PGS1: variants seen among roughly 807,000 people sequenced by gnomAD.
The protein encoded by PGS1 is phosphatidylglycerophosphate synthase 1, also known as CDP-diacylglycerol--glycerol-3-phosphate 3-phosphatidyltransferase, mitochondrial.
PGS1 carries 44 observed loss-of-function variants against 58.3 expected under a neutral mutation model. The ratio of observed to expected loss-of-function variants is 0.75; its 90% confidence interval spans 0.59 to 0.97. The LOEUF (loss-of-function observed/expected upper bound fraction) is 0.97, where lower values mean the gene tolerates loss of function less well. Among genes scored for constraint, PGS1 ranks in the 50% least tolerant of loss-of-function variants. The pLI is 0.00. For missense variants in PGS1, 684 were observed against 731.1 expected, an observed-to-expected ratio of 0.94 and a Z score of 0.74; for synonymous variants, 330 against 311.0, an observed-to-expected ratio of 1.06 and a Z score of -0.64.
chr17:78,402,419 TATATATATACAC>T (rs1251020298), intron 6 of PGS1, among the ~76,000 whole-genome samples: 22 of 6,922 alleles, frequency 3.2e-3, no homozygotes, highest in African/African-American at 5.1e-3. Context: ...TATATATATA[TATATATATACAC>T]ACACACACAC....
intron 7 of PGS1, among the ~76,000 whole-genome samples, chr17:78,410,536 T>C (rs1301685947): frequency 7.7e-6 from 1 of 130,672 alleles, no homozygotes; most frequent in African/African-American, 2.8e-5. Flanking sequence ...TGCAGTGGCG[T>C]GGTCTTGGCT....
chr17:78,414,744 C>T (rs1008962099), intron 7 of PGS1, 135 bp from the exon 8 acceptor site: 53 of 972,106 alleles, frequency 5.5e-5, no homozygotes, highest in Admixed American at 1.1e-4. Flanking sequence ...GTGGCCTGTC[C>T]GCCGCTCTGC....
At chr17:78,396,209 A>T (rs569056858) in intron 2 of PGS1, 99 bp from the exon 3 acceptor site, 33 of 837,588 alleles carry the variant, frequency 3.9e-5, no homozygotes, top group Non-Finnish European at 6.2e-5. Context: ...AGGATAGTTC[A>T]GCTTGGAGTG....
intron 9 of PGS1, among the ~76,000 whole-genome samples, chr17:78,423,117 AAAT>A (rs2086064411): frequency 2.0e-5 from 3 of 147,868 alleles, no homozygotes; most frequent in South Asian, 2.2e-4. Context: ...AAAAAAAAAA[AAAT>A]GTTGATCCTG....
In PGS1 at chr17:78,378,806, G is replaced by C; in HGVS notation, c.141G>C (p.Arg47Ser). 6.9e-7 allele frequency: 1 copy of C among 1,452,036 alleles called. No individual in the cohort carries two copies. Among genetic ancestry groups the C allele is most frequent in the Admixed American group, 2.7e-5 (1 of 37,312 alleles). The allele number at this position is 1,452,036 out of a possible 1,614,324, so 89.9% of individuals were successfully genotyped here. A position where few individuals can be genotyped will look rare whatever the true frequency, so the allele number is the denominator to read the frequency against. Reference protein sequence around the residue: ...RLGRNRDRQRRRSPWLLLAPL... With the variant: ...RLGRNRDRQRSRSPWLLLAPL... ...GCAGGAACCGGGACCGCCAGCGCAG[G>C]AGGTGAGAGGGGCGGCCGGGATGAG... The change falls in exon 1 of 10, where the codon AGG becomes AGC. Residue 47 changes from arginine (R) to serine (S), a missense_variant and splice_region_variant. Physicochemically the swap from Arg to Ser is moderately radical, Grantham distance 110. Coordinates refer to ENST00000262764, the MANE Select transcript of PGS1 (RefSeq NM_024419.5).
chr17:78,406,109 G>T (rs1361344053), intron 7 of PGS1, among the ~76,000 whole-genome samples: 5 of 152,188 alleles, frequency 3.3e-5, no homozygotes, highest in Non-Finnish European at 1.5e-5. Flanking sequence ...GAGGTCAGGA[G>T]ATCCAGACCA....
In PGS1 at chr17:78,392,520, C is replaced by T; in HGVS notation, c.188C>T (p.Pro63Leu). ...GCTCCCTTGCTGTCCCCAGCTGTTCCCCAGGTCACCTCCCCACCTTGCTGC... is the reference window on the plus strand; with the variant it reads ...GCTCCCTTGCTGTCCCCAGCTGTTCTCCAGGTCACCTCCCCACCTTGCTGC... ...LLAPLLSPAV[P>L]QVTSPPCCLC... The change falls in exon 2 of 10, where the codon CCC (proline) becomes CTC (leucine). Residue 63 changes from proline to leucine, a missense_variant. Coordinates refer to ENST00000262764, the MANE Select transcript of PGS1 (RefSeq NM_024419.5). 1.2e-6 allele frequency: 2 copies of T among 1,614,014 alleles called. No individual in the cohort carries two copies. Among genetic ancestry groups the T allele is most frequent in the African/African-American group, 1.3e-5 (1 of 75,032 alleles).
chr17:78,393,272 G>C (rs1395344692), intron 2 of PGS1, among the ~76,000 whole-genome samples: 1 of 151,254 alleles, frequency 6.6e-6, no homozygotes, highest in Non-Finnish European at 1.5e-5. Context: ...GTGTTAGCCA[G>C]GATGGTCTCG....
chr17:78,416,849 G>T (rs1331099226), intron 8 of PGS1, among the ~76,000 whole-genome samples: 1 of 152,124 alleles, frequency 6.6e-6, no homozygotes, highest in Non-Finnish European at 1.5e-5. Context: ...CCGGTCCCTA[G>T]AGGCCAAATC....
intron 7 of PGS1, among the ~76,000 whole-genome samples, chr17:78,407,405 G>A (rs1052794544): frequency 3.3e-5 from 5 of 152,206 alleles, no homozygotes; most frequent in South Asian, 2.1e-4. Flanking sequence ...CCAGGGCAGC[G>A]TGTGTCAGGT....
chr17:78,400,763 C>T lies in PGS1; in HGVS notation c.788C>T (p.Thr263Met), dbSNP rs79039614. The change falls in exon 6 of 10, where the codon ACG becomes ATG. Residue 263 changes from threonine to methionine, a missense_variant. By Grantham distance (81) the Thr-to-Met change is moderately conservative (BLOSUM62 -1). Transcript: ENST00000262764. The surrounding 1 kb of genome is among the most constrained non-coding windows in gnomAD (Gnocchi z 4.4). ...TGTGCGGAGATTGCCGACTTCTTCA[C>T]GGAGCTGGTGGACGCGGTGGGGGAT... ...QDCAEIADFF[T>M]ELVDAVGDVS... 1.5e-4 allele frequency: 240 copies of T among 1,613,932 alleles called. No homozygotes were observed. The highest frequency in any genetic ancestry group is 1.7e-4 in the Non-Finnish European group (204 of 1,179,946).
intron 1 of PGS1, among the ~76,000 whole-genome samples, chr17:78,383,874 A>G (rs1480681699): frequency 6.6e-6 from 1 of 152,232 alleles, no homozygotes; most frequent in Admixed American, 6.5e-5. Context: ...ATTAGACTCA[A>G]TCAGTTGTCT....
intron 9 of PGS1, chr17:78,421,442 C>G (rs1316722963): frequency 6.6e-6 from 1 of 152,280 alleles, no homozygotes; most frequent in African/African-American, 2.4e-5. Flanking sequence ...CATAGGCTCA[C>G]CTGGTCTTAG....
chr17:78,423,807 C>T, intron 9 of PGS1: 1 of 1,465,710 alleles, frequency 6.8e-7, no homozygotes, highest in East Asian at 2.3e-5. Flanking sequence ...GAACGAAAAA[C>T]CACCACCAGT....
intron 1 of PGS1, among the ~76,000 whole-genome samples, chr17:78,385,323 CT>C (rs1284155055): frequency 6.7e-6 from 1 of 148,716 alleles, no homozygotes; most frequent in Non-Finnish European, 1.5e-5. Flanking sequence ...GAGTCTCGTA[CT>C]TTCGCCCAGG....
At chr17:78,409,409 G>A (rs551178154) in intron 7 of PGS1, among the ~76,000 whole-genome samples, 4 of 152,382 alleles carry the variant, frequency 2.6e-5, no homozygotes, top group Admixed American at 2.6e-4. Context: ...TTGTGAGAAT[G>A]TCACTATTTT....
intron 9 of PGS1, chr17:78,423,821 T>C (rs1192269515): frequency 7.9e-6 from 12 of 1,521,762 alleles, no homozygotes; most frequent in Middle Eastern, 1.8e-4. Context: ...CACCAGTTCC[T>C]GTAAAGAATA....
intron 7 of PGS1, among the ~76,000 whole-genome samples, chr17:78,407,346 G>C (rs985336162): frequency 5.9e-5 from 9 of 152,316 alleles, no homozygotes; most frequent in African/African-American, 2.2e-4. Context: ...TCCCCAGTGG[G>C]ATCTTAAGTC....
chr17:78,417,251 T>C (rs2085273424), intron 8 of PGS1, among the ~76,000 whole-genome samples: 1 of 152,174 alleles, frequency 6.6e-6, no homozygotes. Flanking sequence ...GGCCGGGTAT[T>C]CATTTGAAGA....
Sources: allele counts gnomAD v4.1 joint callset (sites outside exome capture counted in the v4.1 genomes callset), GRCh38; gene constraint gnomAD v4.1.1; non-coding constraint Gnocchi (gnomAD v3.1); transcripts MANE v1.5; gene names NCBI Gene and HGNC (gene_info 2026-07-23, HGNC 2026-07-21).